SPRY3: variants seen among roughly 807,000 people sequenced by gnomAD.
SPRY3 encodes protein sprouty homolog 3.
Under a neutral mutation model 20.2 loss-of-function variants are expected in SPRY3, and 15 were observed. That is an observed-to-expected ratio of 0.74 (90% CI 0.50 to 1.14). The LOEUF is 1.14. Ranked by LOEUF, SPRY3 falls within the 50% of genes most tolerant of loss-of-function variation. The pLI, the probability that SPRY3 is intolerant of heterozygous loss-of-function variation, is 0.00. For missense variants in SPRY3, 364 were observed against 363.9 expected (o/e 1.00, Z 0.00); for synonymous variants, 143 against 136.5 (o/e 1.05, Z -0.33).
chrX:155,711,494 G>C (rs376398408), intron 2 of SPRY3, among the ~76,000 whole-genome samples: 5 of 139,088 alleles, frequency 3.6e-5, no homozygotes, highest in African/African-American at 1.5e-4. Context: ...GGTATCAGTT[G>C]CTATGTCTTT....
At chrX:155,673,094 T>C (rs2068048231) in intron 2 of SPRY3, among the ~76,000 whole-genome samples, 2 of 83,367 alleles carry the variant, frequency 2.4e-5, no homozygotes, top group South Asian at 9.0e-4. Flanking sequence ...GGGATAGCAT[T>C]AGGAGATATA....
At chrX:155,722,427 A>C (rs1029253787) in intron 2 of SPRY3, among the ~76,000 whole-genome samples, 2 of 152,162 alleles carry the variant, frequency 1.3e-5, no homozygotes, top group African/African-American at 4.8e-5. Context: ...AGGCTGAGGC[A>C]GGAGAATCAC....
rs2067833804 is a variant in SPRY3, at chrX:155,612,784, G to A, written c.-441+137G>A. ...CACCCCTTCCCTGACCCACGGGACG[G>A]AACCCACCTGTGCTGGAGGTCGTGA... On this transcript the variant is annotated intron_variant, in intron 1 of 3. Transcript: ENST00000675360. 4 of 112,165 alleles carry A rather than the reference G, an allele frequency of 3.6e-5. No homozygotes were observed. The Admixed American group carries it at 3.7e-4, about 10-fold the overall frequency. The allele number at this position is 112,165 out of a possible 1,213,427, so 9.2% of individuals were successfully genotyped here.
exon 4 of SPRY3, chrX:155,773,774 C>G (rs2091399417): frequency 7.2e-7 from 1 of 1,386,036 alleles, no homozygotes. Context: ...AGGATTTTCT[C>G]ATGTGCCCTG....
At chrX:155,705,539 T>C (rs1423420597) in intron 2 of SPRY3, among the ~76,000 whole-genome samples, 1 of 151,392 alleles carries the variant, frequency 6.6e-6, no homozygotes, top group Admixed American at 6.6e-5. Flanking sequence ...GTGTAAATAT[T>C]CTGAAGACAC....
At chrX:155,653,155 A>G (rs1360653434) in intron 1 of SPRY3, among the ~76,000 whole-genome samples, 1 of 111,432 alleles carries the variant, frequency 9.0e-6, no homozygotes, top group Admixed American at 9.6e-5. Flanking sequence ...ACCCTTATCT[A>G]GTTATCAGAT....
intron 2 of SPRY3, among the ~76,000 whole-genome samples, chrX:155,696,131 T>C (rs2068117646): frequency 9.1e-6 from 1 of 110,132 alleles, no homozygotes; most frequent in Admixed American, 9.9e-5. Context: ...CTTGCCCTCT[T>C]GCCAGTTTTG....
At chrX:155,770,104 T>A (rs1205076903) in intron 3 of SPRY3, among the ~76,000 whole-genome samples, 1 of 152,136 alleles carries the variant, frequency 6.6e-6, no homozygotes, top group Non-Finnish European at 1.5e-5. Context: ...CGTTACACAG[T>A]AGGGTACAAA....
chrX:155,689,632 T>C lies in SPRY3; in HGVS notation c.-282+32607T>C, dbSNP rs760949428. 1.7e-4 allele frequency among the ~76,000 whole-genome samples: 15 copies of C among 86,972 alleles called. 1 individual carries two copies. The highest frequency in any genetic ancestry group is 3.2e-4 in the Non-Finnish European group (15 of 46,742). 75.5% of individuals were successfully genotyped at this position (86,972 alleles called of 115,157 possible). A position where few individuals can be genotyped will look rare whatever the true frequency, so the allele number is the denominator to read the frequency against. On this transcript the variant is annotated intron_variant, in intron 2 of 3. Transcript: ENST00000675360. ...AGAGGTGTTCATAATATCCCAGCGATTCTTTGTATTTCTGTGGGGTCAGTG... is the reference window on the plus strand; with the variant it reads ...AGAGGTGTTCATAATATCCCAGCGACTCTTTGTATTTCTGTGGGGTCAGTG...
chrX:155,692,820 A>G (rs1456500402), intron 2 of SPRY3, among the ~76,000 whole-genome samples: 2 of 111,763 alleles, frequency 1.8e-5, no homozygotes, highest in Non-Finnish European at 3.8e-5. Flanking sequence ...CTAACATAAA[A>G]TCGTTCACAA....
chrX:155,675,238 G>A (rs1418104009), intron 2 of SPRY3, among the ~76,000 whole-genome samples: 6 of 111,342 alleles, frequency 5.4e-5, no homozygotes, highest in African/African-American at 1.6e-4. Context: ...TTAAATAAGC[G>A]TGAAAAAATA....
intron 2 of SPRY3, among the ~76,000 whole-genome samples, chrX:155,696,789 T>G (rs2068120310): frequency 8.9e-6 from 1 of 112,262 alleles, no homozygotes; most frequent in African/African-American, 3.2e-5. Flanking sequence ...TGATTTCACT[T>G]TCCTCAAAGA....
At chrX:155,652,298 A>G (rs1557352452) in intron 1 of SPRY3, among the ~76,000 whole-genome samples, 1 of 111,802 alleles carries the variant, frequency 8.9e-6, no homozygotes, top group East Asian at 2.8e-4. Flanking sequence ...ATTATTGACT[A>G]TAGTCACACT....
chrX:155,623,691 G>A lies in SPRY3; in HGVS notation c.-441+11044G>A, dbSNP rs192703414. Among the ~76,000 whole-genome samples, 297 of 111,704 alleles carry A rather than the reference G, an allele frequency of 2.7e-3. 1 individual carries two copies. Among genetic ancestry groups the A allele is most frequent in the Non-Finnish European group, 4.7e-3 (250 of 53,022 alleles). On this transcript the variant is annotated intron_variant, in intron 1 of 3. Coordinates refer to ENST00000675360, the Ensembl canonical transcript of SPRY3. ...TAGAACTTGTCATTGCTTACTCGTG[G>A]GTCCAGACGCTAGTCCAATATGCAT...
chrX:155,649,981 C>G (rs1406634321), intron 1 of SPRY3, among the ~76,000 whole-genome samples: 2 of 111,039 alleles, frequency 1.8e-5, no homozygotes, highest in Non-Finnish European at 3.8e-5. Context: ...TAATAGAGAG[C>G]CAAATCATGA....
intron 2 of SPRY3, among the ~76,000 whole-genome samples, chrX:155,744,490 A>G (rs1451126625): frequency 6.6e-6 from 1 of 152,060 alleles, no homozygotes; most frequent in African/African-American, 2.4e-5. Flanking sequence ...TAGAATCTTA[A>G]AGTGTGGTGT....
chrX:155,680,938 T>C (rs760386068), intron 2 of SPRY3, among the ~76,000 whole-genome samples: 1 of 112,013 alleles, frequency 8.9e-6, no homozygotes, highest in South Asian at 3.8e-4. Flanking sequence ...CTCTGTAAGA[T>C]AGCAAAGTTG....
intron 2 of SPRY3, among the ~76,000 whole-genome samples, chrX:155,713,171 C>G (rs2090998842): frequency 6.6e-6 from 1 of 151,894 alleles, no homozygotes; most frequent in East Asian, 1.9e-4. Flanking sequence ...TATACATGTG[C>G]CATGGTGGTT....
At chrX:155,773,305 T>C (rs2091392984) in intron 3 of SPRY3, among the ~76,000 whole-genome samples, 1 of 106,152 alleles carries the variant, frequency 9.4e-6, no homozygotes, top group African/African-American at 3.4e-5. Flanking sequence ...TAATTTTGAT[T>C]GGATATATAT....
Sources: gnomAD v4.1 joint callset for allele counts (sites outside exome capture counted in the v4.1 genomes callset) on GRCh38, gnomAD v4.1.1 for gene constraint, MANE v1.5 for transcripts, NCBI Gene and HGNC (gene_info 2026-07-23, HGNC 2026-07-21) for gene names.